FBXW8: variants seen among roughly 807,000 people sequenced by gnomAD.
FBXW8 encodes F-box and WD repeat domain containing 8, also known as F-box/WD repeat-containing protein 8.
A neutral mutation model predicts 65.3 loss-of-function variants in FBXW8; 57 were observed. That is an observed-to-expected ratio of 0.87 (90% CI 0.71 to 1.09). The LOEUF (loss-of-function observed/expected upper bound fraction) is 1.09, where lower values mean the gene tolerates loss of function less well. FBXW8 is among the 50% of genes least tolerant of loss of function. The pLI, the probability that FBXW8 is intolerant of heterozygous loss-of-function variation, is 0.00. For missense variants in FBXW8, 777 were observed against 814.8 expected (o/e 0.95, Z 0.57); for synonymous variants, 308 against 330.2 (o/e 0.93, Z 0.73).
At chr12:117,011,254 G>C (rs554042096) in intron 8 of FBXW8, among the ~76,000 whole-genome samples, 2 of 151,730 alleles carry the variant, frequency 1.3e-5, no homozygotes, top group Non-Finnish European at 2.9e-5. Flanking sequence ...TGCAGGTGGC[G>C]GGCTGCTCGG....
intron 1 of FBXW8, among the ~76,000 whole-genome samples, chr12:116,911,703 CA>C (rs1879959233): frequency 6.6e-6 from 1 of 152,034 alleles, no homozygotes; most frequent in Admixed American, 6.6e-5. Context: ...TTATCCAGGA[CA>C]AAATATCAGT....
At chr12:117,026,647 C>G (rs1954238358) in intron 9 of FBXW8, among the ~76,000 whole-genome samples, 1 of 152,176 alleles carries the variant, frequency 6.6e-6, no homozygotes, top group Non-Finnish European at 1.5e-5. Context: ...GCACTTAACT[C>G]TGGGTCACAC....
In FBXW8 at chr12:116,963,534, A is replaced by C. The variant is rs111914934; in HGVS notation, c.678-1163A>C. Among the ~76,000 whole-genome samples, 489 of 152,224 alleles carry C rather than the reference A, an allele frequency of 3.2e-3. 4 individuals carry two copies. Among genetic ancestry groups the C allele is most frequent in the African/African-American group, 0.011 (465 of 41,568 alleles). On this transcript the variant is annotated intron_variant, in intron 4 of 10. Transcript: ENST00000652555. Reference sequence around the variant, plus strand: ...CAGAAGAATTGCTTGAACCTGGGAGACGGAGGTTGCAGTGAGCCGAAATTG... The same window carrying C: ...CAGAAGAATTGCTTGAACCTGGGAGCCGGAGGTTGCAGTGAGCCGAAATTG...
intron 4 of FBXW8, among the ~76,000 whole-genome samples, chr12:116,951,853 C>T (rs1412977467): frequency 6.6e-6 from 1 of 152,208 alleles, no homozygotes; most frequent in African/African-American, 2.4e-5. Flanking sequence ...ACGCATTTGA[C>T]ACTCAAATAC....
At chr12:116,954,083 C>T (rs1041978472) in intron 4 of FBXW8, among the ~76,000 whole-genome samples, 7 of 146,276 alleles carry the variant, frequency 4.8e-5, no homozygotes, top group Non-Finnish European at 1.0e-4. Flanking sequence ...CATTGCATTC[C>T]AGCCTGGGCG....
At chr12:116,949,950 C>G in intron 4 of FBXW8, 1 of 462,428 alleles carries the variant, frequency 2.2e-6, no homozygotes, top group Non-Finnish European at 3.9e-6. Context: ...ATGTCTTTCC[C>G]AGCTTTTAAA....
At chr12:116,955,203 G>A (rs757176827) in intron 4 of FBXW8, among the ~76,000 whole-genome samples, 39 of 152,072 alleles carry the variant, frequency 2.6e-4, no homozygotes, top group African/African-American at 7.7e-4. Flanking sequence ...TCTGGCCCTC[G>A]TTCTTGTCTT....
In FBXW8 at chr12:116,916,911, T is replaced by TGTGTGTGA. The variant is rs59006120; in HGVS notation, c.318+5557_318+5558insTGTGTGAG. Among the ~76,000 whole-genome samples, 97 of 145,686 alleles carry TGTGTGTGA rather than the reference T, an allele frequency of 6.7e-4. No homozygotes were observed. In the East Asian group the frequency reaches 7.1e-3, roughly 11 times the overall value. ...GTGCGTGTGTGTGTGTGTGTGTGTGTGAGAGAGAGAGAGAGAAAGAGGTGT... is the reference window on the plus strand; with the variant it reads ...GTGCGTGTGTGTGTGTGTGTGTGTGTGTGTGTGAGAGAGAGAGAGAGAGAAAGAGGTGT... On this transcript the variant is annotated intron_variant, in intron 1 of 10. Transcript: ENST00000652555.
At chr12:116,929,409 A>G (rs1881591336) in intron 2 of FBXW8, among the ~76,000 whole-genome samples, 4 of 151,232 alleles carry the variant, frequency 2.6e-5, no homozygotes, top group Admixed American at 2.0e-4. Flanking sequence ...TAATTTTTGT[A>G]TTTTTAGTAG....
At chr12:116,999,484 G>A (rs1159608725) in intron 7 of FBXW8, among the ~76,000 whole-genome samples, 1 of 152,218 alleles carries the variant, frequency 6.6e-6, no homozygotes, top group Non-Finnish European at 1.5e-5. Context: ...ATGATCACAA[G>A]TTTTAAAAGT....
intron 2 of FBXW8, among the ~76,000 whole-genome samples, chr12:116,931,902 T>C (rs1881798070): frequency 6.6e-6 from 1 of 152,152 alleles, no homozygotes; most frequent in Non-Finnish European, 1.5e-5. Flanking sequence ...ATGGAAATGG[T>C]GAGAGTGTGC....
chr12:116,994,883 G>T (rs1022040871), intron 7 of FBXW8, among the ~76,000 whole-genome samples: 3 of 152,194 alleles, frequency 2.0e-5, no homozygotes, highest in Non-Finnish European at 4.4e-5. Context: ...AAGTAGACTT[G>T]CTGGGTCAAA....
intron 3 of FBXW8, among the ~76,000 whole-genome samples, chr12:116,947,553 A>G (rs1305549294): frequency 6.6e-6 from 1 of 151,908 alleles, no homozygotes; most frequent in Non-Finnish European, 1.5e-5. Context: ...TTCCATGGCC[A>G]ATATGGTGAA....
chr12:116,992,399 CTTTT>C (rs34567342), intron 7 of FBXW8, among the ~76,000 whole-genome samples: 1 of 146,424 alleles, frequency 6.8e-6, no homozygotes, highest in African/African-American at 2.5e-5. Flanking sequence ...TATTTTTGCC[CTTTT>C]TTTTTTGAAG....
rs527483287 is a variant in FBXW8 at position 117,000,501 on chromosome 12, C to G, written c.1240-9822C>G. Among the ~76,000 whole-genome samples, 17 of 152,320 alleles carry G rather than the reference C, an allele frequency of 1.1e-4. No individual in the cohort carries two copies. The East Asian group carries it at 3.3e-3, about 29-fold the overall frequency. ...CCTGATGAAAACACTGAGCACTGGC[C>G]CCACCCCCGGAGCTTCCGACTCAGT... On this transcript the variant is annotated intron_variant, in intron 7 of 10. Coordinates refer to ENST00000652555, the MANE Select transcript of FBXW8 (RefSeq NM_153348.3).
chr12:116,995,003 T>G (rs532088084), intron 7 of FBXW8, among the ~76,000 whole-genome samples: 31 of 152,338 alleles, frequency 2.0e-4, no homozygotes, highest in African/African-American at 7.0e-4. Flanking sequence ...TTGGACGGCT[T>G]TTCTCTGATA....
At chr12:116,990,842 TCC>T (rs1953221793) in intron 7 of FBXW8, among the ~76,000 whole-genome samples, 1 of 152,018 alleles carries the variant, frequency 6.6e-6, no homozygotes, top group Non-Finnish European at 1.5e-5. Flanking sequence ...TTGTGAAAAA[TCC>T]TTGGTTAAAA....
Position 117,027,502 on chromosome 12 carries a change from G to C in FBXW8, c.1650G>C (p.Arg550Ser). The change falls in exon 10 of 11, where the codon AGG becomes AGC. Residue 550 changes from arginine (R) to serine (S), a missense_variant and splice_region_variant. Coordinates refer to ENST00000652555, the MANE Select transcript of FBXW8 (RefSeq NM_153348.3). ...NADLDSFTTHRRHRGLIRAYE... is the reference protein window; with the variant it reads ...NADLDSFTTHSRHRGLIRAYE... ...ACCTGGACAGCTTCACTACTCACAGGAGGTTAGTGGTGGGGCCGGGCGAGT... is the reference window on the plus strand; with the variant it reads ...ACCTGGACAGCTTCACTACTCACAGCAGGTTAGTGGTGGGGCCGGGCGAGT... 2 of 1,612,926 alleles carry C rather than the reference G, an allele frequency of 1.2e-6. No homozygotes were observed. Among genetic ancestry groups the C allele is most frequent in the Non-Finnish European group, 1.7e-6 (2 of 1,178,914 alleles).
intron 2 of FBXW8, among the ~76,000 whole-genome samples, chr12:116,937,702 G>A (rs1882261482): frequency 6.6e-6 from 1 of 151,606 alleles, no homozygotes; most frequent in Non-Finnish European, 1.5e-5. Flanking sequence ...GAGACAGTGA[G>A]TGCATAGAGA....
Sources: allele counts gnomAD v4.1 joint callset (sites outside exome capture counted in the v4.1 genomes callset), GRCh38; gene constraint gnomAD v4.1.1; transcripts MANE v1.5; gene names NCBI Gene and HGNC (gene_info 2026-07-23, HGNC 2026-07-21).